GABBR2: variants seen among roughly 807,000 people sequenced by gnomAD.
GABBR2 encodes gamma-aminobutyric acid type B receptor subunit 2.
Under a neutral mutation model 105.6 loss-of-function variants are expected in GABBR2, and 23 were observed. That is an observed-to-expected ratio of 0.22 (90% CI 0.16 to 0.31). GABBR2 has a LOEUF of 0.31. GABBR2 is among the 10% of genes least tolerant of loss of function. The pLI is 1.00. For synonymous variants in GABBR2, 478 were observed against 499.7 expected (o/e 0.96, Z 0.58); for missense variants, 734 against 1,245.5 (o/e 0.59, Z 6.18).
intron 15 of GABBR2, among the ~76,000 whole-genome samples, chr9:98,304,905 A>AGCCTCCTGAGTAGCCG (rs1830527032): frequency 6.6e-6 from 1 of 151,564 alleles, no homozygotes; most frequent in African/African-American, 2.4e-5. Context: ...CTGAGTAGCC[A>AGCCTCCTGAGTAGCCG]GGACTACAGG....
chr9:98,628,561 T>G (rs1219693761), intron 1 of GABBR2, among the ~76,000 whole-genome samples: 4 of 152,180 alleles, frequency 2.6e-5, no homozygotes, highest in Non-Finnish European at 4.4e-5. Flanking sequence ...ATAAAAAGTA[T>G]ATCCATGGCT....
intron 13 of GABBR2, among the ~76,000 whole-genome samples, chr9:98,354,100 A>G (rs1831447269): frequency 6.6e-6 from 1 of 152,220 alleles, no homozygotes; most frequent in Non-Finnish European, 1.5e-5. Flanking sequence ...GTACATTGTC[A>G]ATGAGCAATA....
intron 10 of GABBR2, among the ~76,000 whole-genome samples, chr9:98,386,317 C>A (rs1309348346): frequency 6.6e-6 from 1 of 151,684 alleles, no homozygotes; most frequent in East Asian, 1.9e-4. Flanking sequence ...AGTCCCATAC[C>A]ACACTCCCCA....
At chr9:98,565,087 G>A (rs1828732806) in intron 2 of GABBR2, among the ~76,000 whole-genome samples, 1 of 152,162 alleles carries the variant, frequency 6.6e-6, no homozygotes, top group Admixed American at 6.5e-5. Flanking sequence ...GACGGGGAAG[G>A]CCACCAGAAA....
At chr9:98,474,365 T>C (rs1826746652) in intron 5 of GABBR2, among the ~76,000 whole-genome samples, 1 of 152,072 alleles carries the variant, frequency 6.6e-6, no homozygotes, top group Non-Finnish European at 1.5e-5. Context: ...AAATCATGGT[T>C]TTTGATAGCT....
rs542175635 is a variant in GABBR2, at chr9:98,404,055, C to T, written c.1297+2026G>A. ...ATAGTGACTGAAGCTGGTGTTTAAA[C>T]CTAACGTATGAAAAAAAAAAGGCAA... On this transcript the variant is annotated intron_variant, in intron 8 of 18. Transcript: ENST00000259455. Among the ~76,000 whole-genome samples the T allele has an allele frequency of 2.0e-5, 3 of 151,548 alleles. No individual in the cohort carries two copies. In the South Asian group the frequency reaches 6.2e-4, roughly 32 times the overall value.
intron 13 of GABBR2, among the ~76,000 whole-genome samples, chr9:98,329,523 T>G (rs982091062): frequency 6.6e-6 from 1 of 152,196 alleles, no homozygotes; most frequent in Non-Finnish European, 1.5e-5. Context: ...TGCAGAGTCA[T>G]TGGGCTACTG....
chr9:98,318,093 A>G (rs904429627), intron 13 of GABBR2, among the ~76,000 whole-genome samples: 1 of 152,178 alleles, frequency 6.6e-6, no homozygotes, highest in African/African-American at 2.4e-5. Context: ...TATTTGAGGA[A>G]CCCTCATGTG....
intron 1 of GABBR2, among the ~76,000 whole-genome samples, chr9:98,648,154 T>TAGATAGATAGAC (rs1459016051): frequency 4.1e-5 from 6 of 146,994 alleles, no homozygotes; most frequent in Non-Finnish European, 7.4e-5. Flanking sequence ...GATAGATAGA[T>TAGATAGATAGAC]AGAGTCTTAC....
intron 3 of GABBR2, among the ~76,000 whole-genome samples, chr9:98,537,253 G>A (rs1828199351): frequency 6.6e-6 from 1 of 152,210 alleles, no homozygotes; most frequent in Admixed American, 6.5e-5. Context: ...AGCATGATGT[G>A]CCTCAAACAC....
At chr9:98,342,942 T>C (rs183378259) in intron 13 of GABBR2, among the ~76,000 whole-genome samples, 8 of 152,252 alleles carry the variant, frequency 5.3e-5, no homozygotes, top group Middle Eastern at 3.4e-3. Context: ...TAGGATTGAC[T>C]TTTTTTCCCC....
At chr9:98,376,082 G>C (rs1032708042) in intron 11 of GABBR2, among the ~76,000 whole-genome samples, 1 of 152,146 alleles carries the variant, frequency 6.6e-6, no homozygotes, top group African/African-American at 2.4e-5. Flanking sequence ...CCATCCATGG[G>C]GGAAGACAAA....
chr9:98,467,968 C>T (rs906691786), intron 6 of GABBR2, among the ~76,000 whole-genome samples: 5 of 152,226 alleles, frequency 3.3e-5, no homozygotes, highest in Non-Finnish European at 2.9e-5. Context: ...TGGAAGCTGA[C>T]ACTTGAAATC....
chr9:98,415,147 A>G (rs1051959491), intron 7 of GABBR2, among the ~76,000 whole-genome samples: 6 of 152,208 alleles, frequency 3.9e-5, no homozygotes, highest in African/African-American at 1.4e-4. Flanking sequence ...AATTACCCCC[A>G]CAAAGTAAAA....
intron 7 of GABBR2, among the ~76,000 whole-genome samples, chr9:98,439,810 C>T (rs1019483902): frequency 2.6e-5 from 4 of 152,222 alleles, no homozygotes; most frequent in African/African-American, 7.2e-5. Context: ...TATCCAAATA[C>T]ATTCTTCCTT....
intron 1 of GABBR2, among the ~76,000 whole-genome samples, chr9:98,697,608 C>T (rs554043528): frequency 6.6e-6 from 1 of 152,292 alleles, no homozygotes; most frequent in South Asian, 2.1e-4. Context: ...AGGTGAGCTA[C>T]TGTTGTTCTA....
intron 13 of GABBR2, among the ~76,000 whole-genome samples, chr9:98,361,545 T>C (rs964380912): frequency 1.3e-5 from 2 of 152,204 alleles, no homozygotes; most frequent in Admixed American, 1.3e-4. Flanking sequence ...TTGGGATGAA[T>C]TGGGACCCAC....
At chr9:98,673,351 A>T (rs1830430616) in intron 1 of GABBR2, among the ~76,000 whole-genome samples, 1 of 152,224 alleles carries the variant, frequency 6.6e-6, no homozygotes, top group Non-Finnish European at 1.5e-5. Context: ...CAAGAATCAT[A>T]GTGCATGGTG....
At chr9:98,479,287 C>A (rs1826861134) in intron 5 of GABBR2, among the ~76,000 whole-genome samples, 1 of 152,326 alleles carries the variant, frequency 6.6e-6, no homozygotes, top group Non-Finnish European at 1.5e-5. Flanking sequence ...TGGCTGGTAT[C>A]TGCTGAGGGT....
Sources: gnomAD v4.1 joint callset for allele counts (sites outside exome capture counted in the v4.1 genomes callset) on GRCh38, gnomAD v4.1.1 for gene constraint, MANE v1.5 for transcripts, NCBI Gene and HGNC (gene_info 2026-07-23, HGNC 2026-07-21) for gene names.